The following SCRN1 variants were observed in gnomAD, a reference collection of about 807,000 sequenced individuals.
SCRN1 encodes secernin-1.
A neutral mutation model predicts 43.3 loss-of-function variants in SCRN1; 19 were observed. The observed-to-expected ratio is 0.44, with a 90% CI of 0.31 to 0.64. SCRN1 has a LOEUF of 0.64. Ranked by LOEUF, SCRN1 falls within the 30% of genes least tolerant of loss-of-function variation. The pLI is 0.09. For missense variants in SCRN1, 447 were observed against 524.1 expected, an observed-to-expected ratio of 0.85 and a Z score of 1.44; for synonymous variants, 183 against 188.9, an observed-to-expected ratio of 0.97 and a Z score of 0.26.
intron 6 of SCRN1, among the ~76,000 whole-genome samples, chr7:29,928,746 C>T (rs1276253452): frequency 6.6e-6 from 1 of 152,204 alleles, no homozygotes; most frequent in African/African-American, 2.4e-5. Flanking sequence ...ACAGAAGGAA[C>T]ACACACTTCC....
Position 29,921,378 on chromosome 7 carries a change from AAAATGAACATTCCT to A in SCRN1, c.*2565_*2578del, listed in dbSNP as rs1786751592. On this transcript the variant is annotated 3_prime_UTR_variant, in exon 8 of 8. Transcript: ENST00000242059. ...AAGCAAAATCTGTTAGGAACATTTA[AAAATGAACATTCCT>A]CACTATAACAGCCTGCTCAAAACCC... The A allele has an allele frequency of 6.6e-6, 1 of 152,240 alleles. No individual in the cohort carries two copies. Among genetic ancestry groups the A allele is most frequent in the African/African-American group, 2.4e-5 (1 of 41,464 alleles). The allele number at this position is 152,240 out of a possible 1,614,324, so 9.4% of individuals were successfully genotyped here. A position where few individuals can be genotyped will look rare whatever the true frequency, so the allele number is the denominator to read the frequency against.
chr7:29,970,377 CTG>C (rs1289749583), intron 1 of SCRN1, among the ~76,000 whole-genome samples: 1 of 152,174 alleles, frequency 6.6e-6, no homozygotes, highest in Non-Finnish European at 1.5e-5. Flanking sequence ...TCCCTGCTTC[CTG>C]TACCAAAACA....
At chr7:29,984,868 G>A (rs1789102527) in intron 1 of SCRN1, among the ~76,000 whole-genome samples, 1 of 137,824 alleles carries the variant, frequency 7.3e-6, no homozygotes, top group Admixed American at 7.2e-5. Context: ...GCAGTGAGCC[G>A]AGATAGCACC....
In SCRN1 at chr7:29,923,979, G is replaced by A. The variant is rs193920979; in HGVS notation, c.1223C>T (p.Thr408Met). The A allele has an allele frequency of 3.7e-6, 6 of 1,613,296 alleles. No homozygotes were observed. Among genetic ancestry groups the A allele is most frequent in the Non-Finnish European group, 5.1e-6 (6 of 1,179,786 alleles). ...ACTTCACTTAAAGAACTTAATCTCC[G>A]TGTCAACACAGTCATAGAAAAGGTC... ...VGDLFYDCVDTEIKFFK is the reference protein window; with the variant it reads ...VGDLFYDCVDMEIKFFK The change falls in exon 8 of 8, where the codon ACG becomes ATG. Residue 408 changes from threonine to methionine, a missense_variant. By Grantham distance (81) the Thr-to-Met change is moderately conservative. Coordinates refer to ENST00000242059, the MANE Select transcript of SCRN1 (RefSeq NM_014766.5).
intron 3 of SCRN1, among the ~76,000 whole-genome samples, chr7:29,949,786 G>A (rs566881836): frequency 2.0e-5 from 3 of 151,970 alleles, no homozygotes; most frequent in Admixed American, 6.6e-5. Flanking sequence ...CAATCTTCCC[G>A]CCTCAGTCTC....
intron 5 of SCRN1, among the ~76,000 whole-genome samples, chr7:29,938,275 C>T (rs372894026): frequency 1.1e-4 from 17 of 152,352 alleles, no homozygotes; most frequent in East Asian, 5.8e-4. Flanking sequence ...AAGTGATCCA[C>T]CCTCCATGGG....
chr7:29,962,303 T>C (rs916084449), intron 2 of SCRN1, among the ~76,000 whole-genome samples: 6 of 149,462 alleles, frequency 4.0e-5, no homozygotes, highest in Non-Finnish European at 8.9e-5. Flanking sequence ...AATTATATAA[T>C]AGAGGGTTAT....
Position 29,936,657 on chromosome 7 carries a change from G to A in SCRN1, c.804C>T (p.Asp268=), listed in dbSNP as rs1204538123. 3.1e-6 allele frequency: 5 copies of A among 1,603,576 alleles called. No homozygotes were observed. Among genetic ancestry groups the A allele is most frequent in the Non-Finnish European group, 3.4e-6 (4 of 1,171,602 alleles). ...TGGCTGTGGTGAGGAAAAACTCAGA[G>A]TCTATGCACACTCCGCTGGCTTTGT... ...LRDKASGVCI[D]SEFFLTTASG... Residue 268 remains aspartate, a synonymous_variant, in exon 6 of 8, where the codon GAC becomes GAT. Coordinates refer to ENST00000242059, the MANE Select transcript of SCRN1 (RefSeq NM_014766.5).
At chr7:29,937,804 G>A (rs1787392446) in intron 5 of SCRN1, among the ~76,000 whole-genome samples, 1 of 152,164 alleles carries the variant, frequency 6.6e-6, no homozygotes, top group Admixed American at 6.5e-5. Context: ...TTCAGTCTGT[G>A]TTCACCATGA....
At chr7:29,977,569 A>T (rs1788871100) in intron 1 of SCRN1, among the ~76,000 whole-genome samples, 1 of 152,248 alleles carries the variant, frequency 6.6e-6, no homozygotes, top group South Asian at 2.1e-4. Context: ...CTCTGCCCAA[A>T]AGAAAGATTT....
At chr7:29,975,569 GT>G (rs1218801398) in intron 1 of SCRN1, among the ~76,000 whole-genome samples, 2 of 152,178 alleles carry the variant, frequency 1.3e-5, no homozygotes, top group Non-Finnish European at 2.9e-5. Flanking sequence ...TACAGTAAGG[GT>G]AAGTACTAAT....
intron 5 of SCRN1, among the ~76,000 whole-genome samples, chr7:29,940,232 T>C (rs988890583): frequency 2.0e-5 from 3 of 151,700 alleles, no homozygotes; most frequent in Non-Finnish European, 4.4e-5. Context: ...GCAGACGGAG[T>C]GGCAAGAATT....
At chr7:29,976,546 A>T (rs1788842201) in intron 1 of SCRN1, among the ~76,000 whole-genome samples, 1 of 152,192 alleles carries the variant, frequency 6.6e-6, no homozygotes. Context: ...TCTACAGTTA[A>T]AAATGGTTAG....
At chr7:29,947,782 G>T (rs1000560717) in intron 3 of SCRN1, among the ~76,000 whole-genome samples, 3 of 152,228 alleles carry the variant, frequency 2.0e-5, no homozygotes, top group Non-Finnish European at 4.4e-5. Context: ...TTTGGGAGGT[G>T]ATGAGGTCAT....
intron 6 of SCRN1, among the ~76,000 whole-genome samples, chr7:29,930,848 A>G (rs1787133673): frequency 6.6e-6 from 1 of 152,236 alleles, no homozygotes; most frequent in Non-Finnish European, 1.5e-5. Flanking sequence ...CAGCCAGTTC[A>G]TGAGGAGGTT....
At chr7:29,947,429 T>C (rs921794742) in intron 3 of SCRN1, 30 of 1,324,696 alleles carry the variant, frequency 2.3e-5, no homozygotes, top group Admixed American at 5.5e-5. Flanking sequence ...AGGAGATCCC[T>C]GTCCTTTTCT....
chr7:29,967,814 T>C (rs1029581835), intron 2 of SCRN1, among the ~76,000 whole-genome samples: 2 of 152,082 alleles, frequency 1.3e-5, no homozygotes, highest in African/African-American at 4.8e-5. Flanking sequence ...AAAGCAATGA[T>C]AAAAGCTGAC....
chr7:29,922,060 TAGAA>T lies in SCRN1; in HGVS notation c.*1893_*1896del, dbSNP rs548227270. On this transcript the variant is annotated 3_prime_UTR_variant, in exon 8 of 8. Coordinates refer to ENST00000242059, the MANE Select transcript of SCRN1 (RefSeq NM_014766.5). The stretch of plus-strand genomic sequence containing the variant: ...CACTTTCCCCCCCCCTTAACAGTGA[TAGAA>T]AGACACTTTTAGAATAGCCGCCCCA... The T allele has an allele frequency of 1.6e-4, 24 of 152,102 alleles. No individual in the cohort carries two copies. The highest frequency in any genetic ancestry group is 1.5e-3 in the Admixed American group (23 of 15,278). The allele number at this position is 152,102 out of a possible 1,614,324, so 9.4% of individuals were successfully genotyped here.
chr7:29,926,408 CG>C, intron 7 of SCRN1, 43 bp downstream of exon 7: 3 of 1,595,960 alleles, frequency 1.9e-6, no homozygotes, highest in Non-Finnish European at 2.6e-6. Flanking sequence ...TGACCTCGCC[CG>C]CCCGCCTCCG....
Sources: allele counts gnomAD v4.1 joint callset (sites outside exome capture counted in the v4.1 genomes callset), GRCh38; gene constraint gnomAD v4.1.1; transcripts MANE v1.5; gene names NCBI Gene and HGNC (gene_info 2026-07-23, HGNC 2026-07-21).